DSP: variants seen among roughly 807,000 people sequenced by gnomAD.
The protein encoded by DSP is desmoplakin.
A neutral mutation model predicts 290.6 loss-of-function variants in DSP; 114 were observed. That is an observed-to-expected ratio of 0.39 (90% CI 0.34 to 0.46). The LOEUF is 0.46. Among genes scored for constraint, DSP ranks in the 20% least tolerant of loss-of-function variants. The probability of loss-of-function intolerance (pLI) is 0.99; values close to 1 mark genes in which losing one functional copy is unlikely to be tolerated. For synonymous variants in DSP, 1,311 were observed against 1,316.4 expected, an observed-to-expected ratio of 1.00 and a Z score of 0.09; for missense variants, 3,230 against 3,495.8, an observed-to-expected ratio of 0.92 and a Z score of 1.92.
chr6:7,575,431 A>G lies in DSP; in HGVS notation c.2573A>G (p.Glu858Gly), dbSNP rs1271479636. ...GATCTGGACTTGGGCAAGTTCGGTG[A>G]AAAAGTCACACAGCTGACAGACCGC... ...LYDLDLGKFGEKVTQLTDRWQ... is the reference protein window; with the variant it reads ...LYDLDLGKFGGKVTQLTDRWQ... The change falls in exon 18 of 24, where the codon GAA becomes GGA. Residue 858 changes from glutamate (E) to glycine (G), a missense_variant. Physicochemically the swap from Glu to Gly is moderately conservative, Grantham distance 98 (BLOSUM62 -2). Transcript: ENST00000379802. 6.2e-7 allele frequency: 1 copy of G among 1,614,150 alleles called. No homozygotes were observed. Among genetic ancestry groups the G allele is most frequent in the South Asian group, 1.1e-5 (1 of 91,084 alleles).
intron 17 of DSP, 120 bp from the exon 18 acceptor site, chr6:7,575,175 T>C: frequency 1.0e-6 from 1 of 977,796 alleles, no homozygotes; most frequent in South Asian, 1.5e-5. Flanking sequence ...CTGTTAACAC[T>C]TTAAATTATG....
Position 7,586,131 on chromosome 6 carries a change from A to G in DSP, c.*253A>G, listed in dbSNP as rs1342882143. 5.0e-6 allele frequency: 2 copies of G among 401,372 alleles called. No individual in the cohort carries two copies. Among genetic ancestry groups the G allele is most frequent in the African/African-American group, 4.1e-5 (2 of 48,912 alleles). 24.9% of individuals were successfully genotyped at this position (401,372 alleles called of 1,614,324 possible). The stretch of plus-strand genomic sequence containing the variant: ...CTAATCAGTTGTAACAATAGCACAA[A>G]TCGAACTTAGGATTTGTTTCTTCTC... On this transcript the variant is annotated 3_prime_UTR_variant, in exon 24 of 24. Transcript: ENST00000379802.
At position 7,584,851 on chromosome 6, in the gene DSP, T is replaced by C. The variant is rs768564872; in HGVS notation, c.7589T>C (p.Ile2530Thr). ...VDRKTGSQYD[I>T]QDAIDKGLVD... Reference sequence around the variant, plus strand: ...AGAAAGACAGGCAGTCAGTATGATATTCAAGATGCTATTGACAAGGGCCTT... The same window carrying C: ...AGAAAGACAGGCAGTCAGTATGATACTCAAGATGCTATTGACAAGGGCCTT... The change falls in exon 24 of 24, where the codon ATT (isoleucine) becomes ACT (threonine). Residue 2530 changes from isoleucine (I) to threonine (T), a missense_variant. By Grantham distance (89) the Ile-to-Thr change is moderately conservative (BLOSUM62 -1). Around this residue, in one of 5 missense-constraint regions of DSP, gnomAD observed 582 missense variants for 555.4 expected, o/e 1.05. Coordinates refer to ENST00000379802, the MANE Select transcript of DSP (RefSeq NM_004415.4). The surrounding 1 kb of genome is among the most constrained non-coding windows in gnomAD (Gnocchi z 6.4). The C allele has an allele frequency of 9.3e-6, 15 of 1,614,076 alleles. No individual in the cohort carries two copies. The South Asian group carries it at 1.5e-4, about 17-fold the overall frequency.
intron 4 of DSP, among the ~76,000 whole-genome samples, chr6:7,560,194 G>T (rs547157335): frequency 2.8e-4 from 42 of 152,332 alleles, no homozygotes; most frequent in Middle Eastern, 3.4e-3. Flanking sequence ...AAGTTGTGGA[G>T]AGATTGTTAT....
chr6:7,562,784 C>T lies in DSP; in HGVS notation c.726+4C>T, dbSNP rs774450044. On this transcript the variant is annotated splice_donor_region_variant and intron_variant, in intron 5 of 23. Transcript: ENST00000379802. ...GGACAAAATCAAAGCCGACCTGGTA[C>T]TTGTCTGTGTTTCATTTTAGAGTCT... The T allele has an allele frequency of 2.5e-6, 4 of 1,613,934 alleles. No homozygotes were observed. Among genetic ancestry groups the T allele is most frequent in the Middle Eastern group, 1.6e-4 (1 of 6,062 alleles).
In DSP at chr6:7,571,532, G is replaced by A. The variant is rs1759052144; in HGVS notation, c.1851G>A (p.Lys617=). The change falls in exon 14 of 24, where the codon AAG becomes AAA. Residue 617 remains lysine, a synonymous_variant. Coordinates refer to ENST00000379802, the MANE Select transcript of DSP (RefSeq NM_004415.4). Reference sequence around the variant, plus strand: ...AGTCTCAGTTCACCGATGCCCAGAAGCATTACCAGACCCTGGTCATTCAGC... The same window carrying A: ...AGTCTCAGTTCACCGATGCCCAGAAACATTACCAGACCCTGGTCATTCAGC... ...KIQSQFTDAQ[K]HYQTLVIQLP... 1.2e-6 allele frequency: 2 copies of A among 1,614,194 alleles called. No individual in the cohort carries two copies.
At chr6:7,551,981 G>A (rs1561676739) in intron 1 of DSP, among the ~76,000 whole-genome samples, 1 of 152,180 alleles carries the variant, frequency 6.6e-6, no homozygotes, top group Non-Finnish European at 1.5e-5. Flanking sequence ...TAAGACTGAA[G>A]TTGGATTCTT....
chr6:7,550,476 C>A (rs956195545), intron 1 of DSP, among the ~76,000 whole-genome samples: 6 of 151,944 alleles, frequency 3.9e-5, no homozygotes, highest in African/African-American at 7.3e-5. Flanking sequence ...TAAAATAAAA[C>A]CTTGAAATCT....
rs1759495786 is a variant in DSP, at chr6:7,583,025, C to T, written c.5763C>T (p.Thr1921=). ...GCAGGCGTAAGCTGGAGGATTCTAC[C>T]AGGGAGACACAGTCACAGTTAGAAA... The part of the protein sequence containing the change: ...ERCRRKLEDS[T]RETQSQLETE... The change falls in exon 24 of 24, where the codon ACC becomes ACT. Residue 1921 remains threonine, a synonymous_variant. Transcript: ENST00000379802. This position sits in a 1 kb window ranked among gnomAD's most constrained non-coding sequence, Gnocchi z 4.0. 1 of 1,613,960 alleles carries T rather than the reference C, an allele frequency of 6.2e-7. No homozygotes were observed. The highest frequency in any genetic ancestry group is 1.1e-5 in the South Asian group (1 of 91,074).
Position 7,577,888 on chromosome 6 carries a change from T to G in DSP, c.2985+2T>G. 1 of 1,610,814 alleles carries G rather than the reference T, an allele frequency of 6.2e-7. No individual in the cohort carries two copies. Among genetic ancestry groups the G allele is most frequent in the Non-Finnish European group, 8.5e-7 (1 of 1,177,212 alleles). Reference sequence around the variant, plus strand: ...CCTTCTGGGGTGATTCTGCAAGAGGTATATATGTCATCACATATCTCTTAA... The same window carrying G: ...CCTTCTGGGGTGATTCTGCAAGAGGGATATATGTCATCACATATCTCTTAA... On this transcript the variant is annotated splice_donor_variant, in intron 21 of 23. Transcript: ENST00000379802. LOFTEE classifies it high-confidence loss of function.
In DSP at chr6:7,583,308, G is replaced by A. The variant is rs1759513408; in HGVS notation, c.6046G>A (p.Gly2016Arg). ...AATCCAGCCATTCCTTCGGGGTGCA[G>A]GATCTATCGCTGGAGCATCTGCTTC... ...SEIQPFLRGA[G>R]SIAGASASPK... The change falls in exon 24 of 24, where the codon GGA becomes AGA. Residue 2016 changes from glycine (G) to arginine (R), a missense_variant. Gly to Arg is a moderately radical substitution (Grantham distance 125, BLOSUM62 -2). Coordinates refer to ENST00000379802, the MANE Select transcript of DSP (RefSeq NM_004415.4). The surrounding 1 kb of genome is among the most constrained non-coding windows in gnomAD (Gnocchi z 4.0). 5 of 1,614,212 alleles carry A rather than the reference G, an allele frequency of 3.1e-6. No homozygotes were observed. Among genetic ancestry groups the A allele is most frequent in the Non-Finnish European group, 4.2e-6 (5 of 1,180,042 alleles).
chr6:7,555,342 A>G (rs1161144198), intron 1 of DSP, among the ~76,000 whole-genome samples: 1 of 152,172 alleles, frequency 6.6e-6, no homozygotes, highest in Non-Finnish European at 1.5e-5. Context: ...GTTATATATA[A>G]GTGAATGTTT....
chr6:7,551,240 C>G lies in DSP; in HGVS notation c.171-4478C>G, dbSNP rs144106402. On this transcript the variant is annotated intron_variant, in intron 1 of 23. Transcript: ENST00000379802. ...GCCCAACAGATGGAGATAGAAATTT[C>G]TGAGATTAAAAAAAAATCTAAAATT... Among the ~76,000 whole-genome samples, 493 of 151,988 alleles carry G rather than the reference C, an allele frequency of 3.2e-3. 4 individuals are homozygous for G. The highest frequency in any genetic ancestry group is 0.011 in the African/African-American group (459 of 41,450).
At chr6:7,544,901 T>C (rs1166976174) in intron 1 of DSP, among the ~76,000 whole-genome samples, 1 of 152,210 alleles carries the variant, frequency 6.6e-6, no homozygotes, top group Admixed American at 6.5e-5. Flanking sequence ...AATGAAATAA[T>C]AGACATGTAC....
At chr6:7,566,594 T>C in intron 8 of DSP, 113 bp downstream of exon 8, 1 of 888,610 alleles carries the variant, frequency 1.1e-6, no homozygotes, top group Non-Finnish European at 1.8e-6. Flanking sequence ...CTTTATTTTC[T>C]ATTTTGGGAT....
Position 7,565,018 on chromosome 6 carries a change from T to A in DSP, c.778-341T>A, listed in dbSNP as rs993797711. 5.9e-5 allele frequency among the ~76,000 whole-genome samples: 9 copies of A among 152,046 alleles called. No individual in the cohort carries two copies. Among genetic ancestry groups the A allele is most frequent in the Non-Finnish European group, 1.0e-4 (7 of 68,006 alleles). ...AATTAGCAGGACGTGGTGGTGCATG[T>A]CTGTAATCCCACCTACTCGGGAAGC... On this transcript the variant is annotated intron_variant, in intron 6 of 23. Coordinates refer to ENST00000379802, the MANE Select transcript of DSP (RefSeq NM_004415.4). The surrounding 1 kb of genome is among the most constrained non-coding windows in gnomAD (Gnocchi z 4.2).
chr6:7,554,964 G>A (rs1267871420), intron 1 of DSP, among the ~76,000 whole-genome samples: 3 of 152,046 alleles, frequency 2.0e-5, no homozygotes, highest in African/African-American at 4.8e-5. Flanking sequence ...CAATATTTTT[G>A]TAGAGTAAGC....
intron 15 of DSP, among the ~76,000 whole-genome samples, chr6:7,573,173 T>G (rs1202012892): frequency 1.3e-5 from 2 of 152,036 alleles, no homozygotes; most frequent in Non-Finnish European, 2.9e-5. Context: ...TGTGTGTGTA[T>G]ATATCTTAAG....
chr6:7,563,583 C>T (rs1241469542), intron 5 of DSP, among the ~76,000 whole-genome samples, 153 bp from the exon 6 acceptor site: 1 of 152,124 alleles, frequency 6.6e-6, no homozygotes, highest in African/African-American at 2.4e-5. Context: ...GAAAAAGTCC[C>T]CATGGGTGAA....
Sources: gnomAD v4.1 joint callset for allele counts (sites outside exome capture counted in the v4.1 genomes callset) on GRCh38, gnomAD v4.1.1 for gene constraint, gnomAD v4.1.1 regional missense constraint, Gnocchi (gnomAD v3.1) non-coding constraint, MANE v1.5 for transcripts, NCBI Gene and HGNC (gene_info 2026-07-23, HGNC 2026-07-21) for gene names.